GAS7: variants seen among roughly 807,000 people sequenced by gnomAD.
GAS7 encodes the protein growth arrest specific 7.
In GAS7, 28 loss-of-function variants were observed where a neutral mutation model predicts 71.1. That is an observed-to-expected ratio of 0.39 (90% CI 0.29 to 0.54). The LOEUF is 0.54. GAS7 is among the 20% of genes least tolerant of loss of function. The pLI is 0.62. For synonymous variants in GAS7, 258 were observed against 245.8 expected, an observed-to-expected ratio of 1.05 and a Z score of -0.46; for missense variants, 436 against 627.8, an observed-to-expected ratio of 0.69 and a Z score of 3.27.
At chr17:10,019,956 C>T in intron 1 of GAS7, 59 bp from the exon 2 acceptor site, 1 of 1,554,618 alleles carries the variant, frequency 6.4e-7, no homozygotes, top group Non-Finnish European at 8.8e-7. Context: ...AGTTTTTAAA[C>T]CAGGAAGGCA....
At chr17:10,106,179 G>A (rs934421887) in intron 1 of GAS7, among the ~76,000 whole-genome samples, 7 of 152,164 alleles carry the variant, frequency 4.6e-5, no homozygotes, top group Admixed American at 3.3e-4. Flanking sequence ...AGTGCCATGC[G>A]TATTCCTACC....
intron 1 of GAS7, among the ~76,000 whole-genome samples, chr17:10,157,812 CACACACATGTGAA>C (rs2074216432): frequency 6.6e-6 from 1 of 152,162 alleles, no homozygotes; most frequent in Non-Finnish European, 1.5e-5. Context: ...CACACAATTT[CACACACATGTGAA>C]ACCCAGATGG....
At chr17:10,145,029 G>A (rs1345502325) in intron 1 of GAS7, among the ~76,000 whole-genome samples, 1 of 152,082 alleles carries the variant, frequency 6.6e-6, no homozygotes, top group Non-Finnish European at 1.5e-5. Context: ...ATGACAGAAG[G>A]AGTTAGTAGG....
intron 1 of GAS7, among the ~76,000 whole-genome samples, chr17:10,023,581 C>A (rs1180661070): frequency 2.0e-5 from 3 of 152,044 alleles, no homozygotes; most frequent in Non-Finnish European, 4.4e-5. Flanking sequence ...TGAAAGGAGC[C>A]AGACACAAAA....
chr17:10,105,115 C>A (rs1483346509), intron 1 of GAS7, among the ~76,000 whole-genome samples: 1 of 152,192 alleles, frequency 6.6e-6, no homozygotes, highest in Admixed American at 6.5e-5. Flanking sequence ...TGGCCACATA[C>A]GGCTATTTAA....
rs2073247602 is a variant in GAS7, at chr17:10,063,844, TCCCCTTGCACGGGTGGTG to T, written c.184-43965_184-43948del. Among the ~76,000 whole-genome samples, 4 of 152,312 alleles carry T rather than the reference TCCCCTTGCACGGGTGGTG, an allele frequency of 2.6e-5. No homozygotes were observed. The South Asian group carries it at 8.3e-4, about 32-fold the overall frequency. On this transcript the variant is annotated intron_variant, in intron 1 of 13. Transcript: ENST00000432992. Reference sequence around the variant, plus strand: ...CTTCAAGACACTCAGGTCATGGGCTTCCCCTTGCACGGGTGGTGAGGGGGGCAGAGGAAGCATCTTTTT... The same window carrying T: ...CTTCAAGACACTCAGGTCATGGGCTTAGGGGGGCAGAGGAAGCATCTTTTT...
chr17:10,078,053 TTG>T (rs59380311), intron 1 of GAS7, among the ~76,000 whole-genome samples: 2,260 of 146,302 alleles, frequency 0.015, 52 homozygotes, highest in African/African-American at 0.048. Context: ...GTTTTTTCTG[TTG>T]TGTGTGTGTG....
chr17:9,978,486 C>G (rs1186546292), intron 3 of GAS7, among the ~76,000 whole-genome samples: 1 of 150,632 alleles, frequency 6.6e-6, no homozygotes, highest in Non-Finnish European at 1.5e-5. Context: ...ACTGTTTCTA[C>G]AGAAAAAAAT....
chr17:10,042,292 C>CAAA (rs58391348), intron 1 of GAS7, among the ~76,000 whole-genome samples: 104 of 95,556 alleles, frequency 1.1e-3, no homozygotes, highest in Admixed American at 7.8e-3. Flanking sequence ...GAGACTCCGT[C>CAAA]AAAAAAAAAA....
intron 1 of GAS7, among the ~76,000 whole-genome samples, chr17:10,151,178 A>AT (rs891904110): frequency 6.6e-5 from 10 of 150,850 alleles, no homozygotes; most frequent in Non-Finnish European, 7.4e-5. Context: ...AAGTTTGGTT[A>AT]TTTTTTTTTA....
chr17:10,170,157 C>G lies in GAS7; in HGVS notation c.183+28051G>C, dbSNP rs147803321. Among the ~76,000 whole-genome samples the G allele has an allele frequency of 5.2e-4, 79 of 152,198 alleles. 1 individual carries two copies. The South Asian group carries it at 0.016, about 30-fold the overall frequency. ...TCCCTCCTTCTACCCTCTGCTCCCC[C>G]CTCCATCCCCCCATCATTCATTCCC... On this transcript the variant is annotated intron_variant, in intron 1 of 13. Coordinates refer to ENST00000432992, the MANE Select transcript of GAS7 (RefSeq NM_201433.2).
intron 7 of GAS7, among the ~76,000 whole-genome samples, chr17:9,942,255 A>C (rs2068628893): frequency 6.6e-6 from 1 of 152,122 alleles, no homozygotes; most frequent in Admixed American, 6.5e-5. Flanking sequence ...CTCTGTCTAA[A>C]AGAAAAAAAA....
At chr17:9,968,060 G>C (rs1235210005) in intron 4 of GAS7, among the ~76,000 whole-genome samples, 17 of 152,202 alleles carry the variant, frequency 1.1e-4, no homozygotes. Context: ...GATGCCCAGG[G>C]TAACACCAGA....
chr17:9,932,841 G>A (rs867291426), intron 9 of GAS7, among the ~76,000 whole-genome samples: 2 of 152,230 alleles, frequency 1.3e-5, no homozygotes, highest in Non-Finnish European at 2.9e-5. Flanking sequence ...CCCTGCCCTC[G>A]AGTCCTGGCA....
At chr17:10,032,761 C>T in intron 1 of GAS7, among the ~76,000 whole-genome samples, 1 of 152,218 alleles carries the variant, frequency 6.6e-6, no homozygotes, top group East Asian at 1.9e-4. Context: ...TCCCTCCAAA[C>T]ACTTTTGGGC....
chr17:9,929,186 C>G (rs1316540086), intron 9 of GAS7, among the ~76,000 whole-genome samples: 1 of 152,174 alleles, frequency 6.6e-6, no homozygotes, highest in East Asian at 1.9e-4. Context: ...GCTCAGCCTG[C>G]TGACTCAGAA....
chr17:10,197,541 G>C (rs560111292), intron 1 of GAS7, among the ~76,000 whole-genome samples: 1 of 152,206 alleles, frequency 6.6e-6, no homozygotes, highest in Non-Finnish European at 1.5e-5. Context: ...GTGCAGCCCT[G>C]GGGCCAGGCC....
chr17:10,148,782 T>C (rs1597820420), intron 1 of GAS7, among the ~76,000 whole-genome samples: 1 of 151,252 alleles, frequency 6.6e-6, no homozygotes, highest in African/African-American at 2.4e-5. Context: ...TGGTGGCGGG[T>C]GCCTGCAGTC....
At chr17:10,016,761 A>C (rs1436375457) in intron 2 of GAS7, among the ~76,000 whole-genome samples, 5 of 66,082 alleles carry the variant, frequency 7.6e-5, no homozygotes, top group Admixed American at 5.6e-4. Context: ...AAATAATAAT[A>C]ATAATAATAA....
Sources: allele counts gnomAD v4.1 joint callset (sites outside exome capture counted in the v4.1 genomes callset), GRCh38; gene constraint gnomAD v4.1.1; transcripts MANE v1.5; gene names NCBI Gene and HGNC (gene_info 2026-07-23, HGNC 2026-07-21).